ZNF14: variants seen among roughly 807,000 people sequenced by gnomAD.
The protein encoded by ZNF14 is gonadotropin inducible transcription repressor-4.
Under a neutral mutation model 11.3 loss-of-function variants are expected in ZNF14, and 9 were observed. The observed-to-expected ratio is 0.80, with a 90% confidence interval of 0.48 to 1.39. The LOEUF is 1.39. Ranked by LOEUF, ZNF14 falls within the 40% of genes most tolerant of loss-of-function variation. ZNF14 has a pLI of 0.00. For synonymous variants in ZNF14, 239 were observed against 245.7 expected (o/e 0.97, Z 0.25); for missense variants, 711 against 763.9 (o/e 0.93, Z 0.82).
At chr19:19,730,639 G>A (rs1019934487) in intron 1 of ZNF14, among the ~76,000 whole-genome samples, 12 of 152,162 alleles carry the variant, frequency 7.9e-5, no homozygotes, top group African/African-American at 2.7e-4. Context: ...CAGGCCGGGC[G>A]CAGTGGCTCA....
intron 1 of ZNF14, among the ~76,000 whole-genome samples, chr19:19,722,381 G>T (rs909920166): frequency 6.6e-6 from 1 of 152,106 alleles, no homozygotes; most frequent in Non-Finnish European, 1.5e-5. Context: ...GATCAGGGTC[G>T]TAGATGTGTG....
rs553297381 is a variant in ZNF14, at chr19:19,728,272, C to T, written c.3+4684G>A. 2.1e-4 allele frequency among the ~76,000 whole-genome samples: 28 copies of T among 132,286 alleles called. 8 individuals carry two copies. In the South Asian group the frequency reaches 7.0e-3, roughly 33 times the overall value. The allele number at this position is 132,286 out of a possible 152,430, so 86.8% of individuals were successfully genotyped here. On this transcript the variant is annotated intron_variant, in intron 1 of 3. Coordinates refer to ENST00000344099, the MANE Select transcript of ZNF14 (RefSeq NM_021030.3). ...GAGGCTCATGCCTGTAATCCCAGCACTTTGAGAGGCCGTGGTGGGTGGATC... is the reference window on the plus strand; with the variant it reads ...GAGGCTCATGCCTGTAATCCCAGCATTTTGAGAGGCCGTGGTGGGTGGATC...
chr19:19,711,127 G>T lies in ZNF14; in HGVS notation c.*225C>A. 2.2e-6 allele frequency: 1 copy of T among 463,152 alleles called. No homozygotes were observed. The highest frequency in any genetic ancestry group is 3.7e-6 in the Non-Finnish European group (1 of 273,694). The allele number at this position is 463,152 out of a possible 1,614,324, so 28.7% of individuals were successfully genotyped here. A position where few individuals can be genotyped will look rare whatever the true frequency, so the allele number is the denominator to read the frequency against. ...AACAAAACAGATTTCACTGCAGCAC[G>T]AGTCCTGTCTTTGAAATGAATTAGG... On this transcript the variant is annotated 3_prime_UTR_variant, in exon 4 of 4. Coordinates refer to ENST00000344099, the MANE Select transcript of ZNF14 (RefSeq NM_021030.3).
Position 19,713,098 on chromosome 19 carries a change from A to C in ZNF14, c.192-9T>G. 6.4e-7 allele frequency: 1 copy of C among 1,553,912 alleles called. No homozygotes were observed. Among genetic ancestry groups the C allele is most frequent in the South Asian group, 1.2e-5 (1 of 81,354 alleles). ...TCTCAACCATATGACATCTGTAAAA[A>C]ATGAATAGCACATTATTAGTGGCTT... On this transcript the variant is annotated splice_polypyrimidine_tract_variant and intron_variant, in intron 3 of 3. Coordinates refer to ENST00000344099, the MANE Select transcript of ZNF14 (RefSeq NM_021030.3).
chr19:19,712,739 T>C lies in ZNF14; in HGVS notation c.542A>G (p.Tyr181Cys). ...CCTTTCATGTCTTTGAAATGGCTGG[T>C]AATATATAAAGGCTTTCCCACACTG... is the stretch of plus-strand genomic sequence containing the variant. ...CKQCGKAFIY[Y>C]QPFQRHERTH... Residue 181 changes from tyrosine (Y) to cysteine (C), a missense_variant, in exon 4 of 4, where the codon TAC becomes TGC. By Grantham distance (194) the Tyr-to-Cys change is radical (BLOSUM62 -2). Coordinates refer to ENST00000344099, the MANE Select transcript of ZNF14 (RefSeq NM_021030.3). 1 of 1,613,174 alleles carries C rather than the reference T, an allele frequency of 6.2e-7. No homozygotes were observed. The highest frequency in any genetic ancestry group is 8.5e-7 in the Non-Finnish European group (1 of 1,179,706).
chr19:19,732,693 G>A (rs905589071), intron 1 of ZNF14, among the ~76,000 whole-genome samples: 3 of 152,236 alleles, frequency 2.0e-5, no homozygotes, highest in African/African-American at 7.2e-5. Flanking sequence ...CGAACAATCC[G>A]GGGAGACGCG....
intron 1 of ZNF14, among the ~76,000 whole-genome samples, chr19:19,731,247 A>G (rs2062422346): frequency 6.6e-6 from 1 of 152,168 alleles, no homozygotes; most frequent in Non-Finnish European, 1.5e-5. Flanking sequence ...CAAACTAGAT[A>G]TGGTACCCAA....
rs2062403945 is a variant in ZNF14, at chr19:19,725,407, C to T, written c.3+7549G>A. 2.2e-5 allele frequency among the ~76,000 whole-genome samples: 3 copies of T among 133,816 alleles called. No homozygotes were observed. In the East Asian group the frequency reaches 6.3e-4, roughly 28 times the overall value. The allele number at this position is 133,816 out of a possible 152,430, so 87.8% of individuals were successfully genotyped here. Reference sequence around the variant, plus strand: ...TCTTTAAGAATGTTGAATATTGGCCCCCACTCTCTTCTGGCTTGTAGTTTC... The same window carrying T: ...TCTTTAAGAATGTTGAATATTGGCCTCCACTCTCTTCTGGCTTGTAGTTTC... On this transcript the variant is annotated intron_variant, in intron 1 of 3. Coordinates refer to ENST00000344099, the MANE Select transcript of ZNF14 (RefSeq NM_021030.3).
Position 19,711,677 on chromosome 19 carries a change from T to G in ZNF14, c.1604A>C (p.Gln535Pro). 2 of 1,614,112 alleles carry G rather than the reference T, an allele frequency of 1.2e-6. No homozygotes were observed. The highest frequency in any genetic ancestry group is 8.5e-7 in the Non-Finnish European group (1 of 1,180,018). Residue 535 changes from glutamine (Q) to proline (P), a missense_variant, in exon 4 of 4, where the codon CAA becomes CCA. Physicochemically the swap from Gln to Pro is moderately conservative, Grantham distance 76 (BLOSUM62 -1). Coordinates refer to ENST00000344099, the MANE Select transcript of ZNF14 (RefSeq NM_021030.3). ...GGAACGAAGGAAGGCCTTACCACAT[T>G]GCTTACACTCAAAAGGCTTATTTCC... ...HTGNKPFECK[Q>P]CGKAFLRSSQ...
chr19:19,713,146 G>A, intron 3 of ZNF14, 57 bp from the exon 4 acceptor site: 1 of 1,446,604 alleles, frequency 6.9e-7, no homozygotes, highest in Non-Finnish European at 9.3e-7. Context: ...GTATTTATTA[G>A]TAGGTATGAG....
At chr19:19,714,620 C>A in intron 1 of ZNF14, 133 bp from the exon 2 acceptor site, 1 of 949,842 alleles carries the variant, frequency 1.1e-6, no homozygotes. Flanking sequence ...GCTGTCAGAA[C>A]TACGACTGTC....
Position 19,711,760 on chromosome 19 carries a change from T to C in ZNF14, c.1521A>G (p.Leu507=), listed in dbSNP as rs759285744. 1.1e-5 allele frequency: 17 copies of C among 1,613,966 alleles called. 1 individual carries two copies. The highest frequency in any genetic ancestry group is 6.6e-5 in the South Asian group (6 of 91,080). ...TTGAAAAACTGAAGGTTTTACCGCA[T>C]AGTTTACATTCATAGGGTTTCTCTC... ...HTGEKPYECK[L]CGKTFSFSSS... The change falls in exon 4 of 4, where the codon CTA becomes CTG. Residue 507 remains leucine (L), a synonymous_variant. Transcript: ENST00000344099.
In ZNF14 at chr19:19,710,786, G is replaced by T. The variant is rs2062356512; in HGVS notation, c.*566C>A. ...GATTTTCCCACTTTTATTTTTTCTT[G>T]AGACAGTGTCTCATTCTGTCGCACA... On this transcript the variant is annotated 3_prime_UTR_variant, in exon 4 of 4. Coordinates refer to ENST00000344099, the MANE Select transcript of ZNF14 (RefSeq NM_021030.3). 6.6e-6 allele frequency: 1 copy of T among 152,462 alleles called. No homozygotes were observed. 9.4% of individuals were successfully genotyped at this position (152,462 alleles called of 1,614,324 possible). A position where few individuals can be genotyped will look rare whatever the true frequency, so the allele number is the denominator to read the frequency against.
At position 19,711,693 on chromosome 19, in the gene ZNF14, G is replaced by C. The variant is rs777446946; in HGVS notation, c.1588C>G (p.Pro530Ala). The C allele has an allele frequency of 2.5e-6, 4 of 1,613,846 alleles. No individual in the cohort carries two copies. The highest frequency in any genetic ancestry group is 2.7e-5 in the African/African-American group (2 of 74,826). The change falls in exon 4 of 4, where the codon CCT (proline) becomes GCT (alanine). Residue 530 changes from proline (P) to alanine (A), a missense_variant. Transcript: ENST00000344099. ...TTACCACATTGCTTACACTCAAAAG[G>C]CTTATTTCCAGTGTGAATTTTTTCA... ...EHEKIHTGNK[P>A]FECKQCGKAF...
chr19:19,714,210 C>T (rs2062371068), intron 2 of ZNF14, 59 bp from the exon 3 acceptor site: 3 of 1,594,160 alleles, frequency 1.9e-6, no homozygotes, highest in Non-Finnish European at 2.6e-6. Context: ...AAAATTGTTA[C>T]AGTCTAGTTT....
intron 1 of ZNF14, among the ~76,000 whole-genome samples, chr19:19,715,390 T>G (rs1048532998): frequency 1.3e-5 from 2 of 152,054 alleles, no homozygotes; most frequent in African/African-American, 4.8e-5. Context: ...TCAGAGAGAT[T>G]GAGGGGTTGA....
In ZNF14 at chr19:19,712,860, A is replaced by G. The variant is rs189359675; in HGVS notation, c.421T>C (p.Cys141Arg). 6.2e-7 allele frequency: 1 copy of G among 1,614,052 alleles called. No individual in the cohort carries two copies. The highest frequency in any genetic ancestry group is 8.5e-7 in the Non-Finnish European group (1 of 1,180,036). ...NEYQEYEKQP[C>R]KCKAVGKTFS... The stretch of plus-strand genomic sequence containing the variant: ...GTTTTCCCAACTGCTTTACATTTAC[A>G]TGGTTGCTTTTCATATTCCTGATAC... The change falls in exon 4 of 4, where the codon TGT becomes CGT. Residue 141 changes from cysteine (C) to arginine (R), a missense_variant. Coordinates refer to ENST00000344099, the MANE Select transcript of ZNF14 (RefSeq NM_021030.3).
At chr19:19,719,664 G>T (rs1350184802) in intron 1 of ZNF14, among the ~76,000 whole-genome samples, 3 of 151,936 alleles carry the variant, frequency 2.0e-5, no homozygotes, top group Non-Finnish European at 4.4e-5. Flanking sequence ...AGATAAGGTA[G>T]AAAAAGAATA....
Position 19,711,324 on chromosome 19 carries a change from C to T in ZNF14, c.*28G>A, listed in dbSNP as rs770691428. 135 of 1,525,728 alleles carry T rather than the reference C, an allele frequency of 8.8e-5. No homozygotes were observed. The highest frequency in any genetic ancestry group is 3.5e-4 in the Middle Eastern group (2 of 5,658). The allele number at this position is 1,525,728 out of a possible 1,614,324, so 94.5% of individuals were successfully genotyped here. A position where few individuals can be genotyped will look rare whatever the true frequency, so the allele number is the denominator to read the frequency against. ...TGTATTCAGAAGGAGCTGGAACAACCGAAGGCTTCAGAATGTTGCTTATAT... is the reference window on the plus strand; with the variant it reads ...TGTATTCAGAAGGAGCTGGAACAACTGAAGGCTTCAGAATGTTGCTTATAT... On this transcript the variant is annotated 3_prime_UTR_variant, in exon 4 of 4. Transcript: ENST00000344099.
Sources: allele counts gnomAD v4.1 joint callset (sites outside exome capture counted in the v4.1 genomes callset), GRCh38; gene constraint gnomAD v4.1.1; transcripts MANE v1.5; gene names NCBI Gene and HGNC (gene_info 2026-07-23, HGNC 2026-07-21).